Variants in ANKS1B observed in about 807,000 individuals in gnomAD.
The protein encoded by ANKS1B is ankyrin repeat and sterile alpha motif domain-containing protein 1B.
ANKS1B carries 36 observed loss-of-function variants against 148.3 expected under a neutral mutation model. The ratio of observed to expected loss-of-function variants is 0.24; its 90% CI spans 0.19 to 0.32. ANKS1B has a LOEUF of 0.32. Among genes scored for constraint, ANKS1B ranks in the 10% least tolerant of loss-of-function variants. ANKS1B has a pLI of 1.00. For missense variants in ANKS1B, 1,157 were observed against 1,542.6 expected, an observed-to-expected ratio of 0.75 and a Z score of 4.19; for synonymous variants, 542 against 560.8, an observed-to-expected ratio of 0.97 and a Z score of 0.47.
At chr12:98,918,415 G>A (rs1276974636) in intron 17 of ANKS1B, among the ~76,000 whole-genome samples, 1 of 152,232 alleles carries the variant, frequency 6.6e-6, no homozygotes, top group Non-Finnish European at 1.5e-5. Flanking sequence ...CAGAATGTGA[G>A]GAAGCTAGGT....
chr12:99,225,816 T>C (rs1224685609), intron 14 of ANKS1B, among the ~76,000 whole-genome samples: 2 of 152,236 alleles, frequency 1.3e-5, no homozygotes, highest in South Asian at 4.1e-4. Context: ...TTTTGGGACT[T>C]GGACTGGCTT....
intron 8 of ANKS1B, among the ~76,000 whole-genome samples, chr12:99,697,116 C>T (rs990026174): frequency 6.6e-6 from 1 of 152,176 alleles, no homozygotes; most frequent in Non-Finnish European, 1.5e-5. Flanking sequence ...CAGGAACTCT[C>T]ATTCATTACT....
chr12:99,283,048 A>G (rs1384378178), intron 12 of ANKS1B, among the ~76,000 whole-genome samples: 1 of 152,220 alleles, frequency 6.6e-6, no homozygotes, highest in Non-Finnish European at 1.5e-5. Context: ...AGAGAATAAA[A>G]GGAAGCAGCT....
intron 17 of ANKS1B, among the ~76,000 whole-genome samples, chr12:98,985,999 A>G (rs2099923119): frequency 6.6e-6 from 1 of 152,176 alleles, no homozygotes; most frequent in Non-Finnish European, 1.5e-5. Context: ...TTTGCTGGTT[A>G]TAGAATTCAG....
chr12:99,365,252 CT>C (rs1357060477), intron 12 of ANKS1B, among the ~76,000 whole-genome samples: 3 of 152,228 alleles, frequency 2.0e-5, no homozygotes, highest in Non-Finnish European at 4.4e-5. Context: ...AGGCCCAAAG[CT>C]CAAGCCCAAA....
intron 10 of ANKS1B, among the ~76,000 whole-genome samples, chr12:99,469,285 T>A (rs1387056114): frequency 9.8e-6 from 1 of 101,898 alleles, no homozygotes; most frequent in Non-Finnish European, 1.8e-5. Context: ...CTCTGGGGAC[T>A]GTTGTGGGGT....
chr12:99,148,273 G>C (rs569504000), intron 15 of ANKS1B, among the ~76,000 whole-genome samples: 5 of 152,092 alleles, frequency 3.3e-5, no homozygotes, highest in Non-Finnish European at 5.9e-5. Flanking sequence ...ATTCATGTGA[G>C]CATTAGTTAG....
chr12:98,868,594 C>A (rs188498816), intron 17 of ANKS1B, among the ~76,000 whole-genome samples: 1 of 152,180 alleles, frequency 6.6e-6, no homozygotes, highest in Non-Finnish European at 1.5e-5. Context: ...ACCAAATACA[C>A]GAACAACAAA....
At chr12:99,176,639 G>A (rs1279990602) in intron 14 of ANKS1B, among the ~76,000 whole-genome samples, 1 of 152,110 alleles carries the variant, frequency 6.6e-6, no homozygotes, top group Non-Finnish European at 1.5e-5. Context: ...TTGGATCATG[G>A]GGGCAGATCC....
At chr12:99,755,644 A>C (rs1284718834) in intron 8 of ANKS1B, among the ~76,000 whole-genome samples, 2 of 151,556 alleles carry the variant, frequency 1.3e-5, no homozygotes, top group African/African-American at 4.8e-5. Flanking sequence ...GCAAATGAAA[A>C]ACCCTATCCA....
chr12:99,666,115 C>G (rs1275739168), intron 8 of ANKS1B, among the ~76,000 whole-genome samples: 1 of 152,110 alleles, frequency 6.6e-6, no homozygotes, highest in African/African-American at 2.4e-5. Flanking sequence ...TTTTGAAAAT[C>G]AATTGACCAT....
chr12:99,710,670 C>A (rs2056505027), intron 8 of ANKS1B, among the ~76,000 whole-genome samples: 1 of 152,122 alleles, frequency 6.6e-6, no homozygotes, highest in African/African-American at 2.4e-5. Context: ...GAATATATCT[C>A]TGGTCCTTTT....
At position 98,792,371 on chromosome 12, in the gene ANKS1B, A is replaced by G. The variant is rs184493716; in HGVS notation, c.3342+6563T>C. ...TCATGGGGCACAATGTGATGTTTCAATATATGTATACATTGTGTAATGACA... is the reference window on the plus strand; with the variant it reads ...TCATGGGGCACAATGTGATGTTTCAGTATATGTATACATTGTGTAATGACA... On this transcript the variant is annotated intron_variant, in intron 22 of 26. Transcript: ENST00000683438. Among the ~76,000 whole-genome samples the G allele has an allele frequency of 8.5e-5, 13 of 152,318 alleles. No individual in the cohort carries two copies. The East Asian group carries it at 2.5e-3, about 29-fold the overall frequency.
intron 12 of ANKS1B, among the ~76,000 whole-genome samples, chr12:99,284,606 G>C (rs1041361221): frequency 6.6e-6 from 1 of 151,946 alleles, no homozygotes; most frequent in African/African-American, 2.4e-5. Context: ...TTCTTGCCAG[G>C]ACAATGACAA....
intron 14 of ANKS1B, among the ~76,000 whole-genome samples, chr12:99,160,580 C>T (rs542783899): frequency 6.6e-6 from 1 of 151,354 alleles, no homozygotes; most frequent in South Asian, 2.1e-4. Context: ...GATCTCCTGA[C>T]CTCATGATCT....
At chr12:99,378,980 G>A (rs894693121) in intron 12 of ANKS1B, among the ~76,000 whole-genome samples, 1 of 152,142 alleles carries the variant, frequency 6.6e-6, no homozygotes, top group Non-Finnish European at 1.5e-5. Context: ...TGTAATGGAA[G>A]CATCTATTGT....
intron 15 of ANKS1B, among the ~76,000 whole-genome samples, chr12:99,130,355 T>A (rs1479367432): frequency 1.3e-5 from 2 of 152,226 alleles, no homozygotes; most frequent in African/African-American, 4.8e-5. Flanking sequence ...AAATAGCATG[T>A]GAATCCAGAT....
intron 8 of ANKS1B, among the ~76,000 whole-genome samples, chr12:99,730,831 G>T (rs1232672139): frequency 1.3e-5 from 2 of 152,010 alleles, no homozygotes; most frequent in Non-Finnish European, 2.9e-5. Flanking sequence ...TGGAATAAAC[G>T]TTTCTTCATC....
intron 11 of ANKS1B, among the ~76,000 whole-genome samples, chr12:99,440,568 C>A (rs1218632703): frequency 1.3e-5 from 2 of 151,286 alleles, no homozygotes; most frequent in Admixed American, 6.6e-5. Context: ...GATTTTAAGA[C>A]GTGAAATAAC....
Sources: gnomAD v4.1 joint callset for allele counts (sites outside exome capture counted in the v4.1 genomes callset) on GRCh38, gnomAD v4.1.1 for gene constraint, MANE v1.5 for transcripts, NCBI Gene and HGNC (gene_info 2026-07-23, HGNC 2026-07-21) for gene names.